MYO16: variants seen among roughly 807,000 people sequenced by gnomAD.
MYO16 encodes unconventional myosin-XVI.
Under a neutral mutation model 205.3 loss-of-function variants are expected in MYO16, and 94 were observed. The observed-to-expected ratio is 0.46, with a 90% CI of 0.39 to 0.54. The LOEUF is 0.54. Among genes scored for constraint, MYO16 ranks in the 20% least tolerant of loss-of-function variants. The pLI, the probability that MYO16 is intolerant of heterozygous loss-of-function variation, is 0.00. For missense variants in MYO16, 2,315 were observed against 2,387.5 expected, an observed-to-expected ratio of 0.97 and a Z score of 0.63; for synonymous variants, 988 against 954.0, an observed-to-expected ratio of 1.04 and a Z score of -0.66.
intron 16 of MYO16, among the ~76,000 whole-genome samples, chr13:108,950,585 T>C (rs1883105063): frequency 6.6e-6 from 1 of 152,184 alleles, no homozygotes; most frequent in South Asian, 2.1e-4. Context: ...GCCCCCTGCA[T>C]TGCTGGTGGG....
At chr13:109,042,245 G>A (rs1249801657) in intron 23 of MYO16, among the ~76,000 whole-genome samples, 3 of 152,172 alleles carry the variant, frequency 2.0e-5, no homozygotes, top group Admixed American at 6.5e-5. Context: ...ATTTGGAATC[G>A]AGTAGTATTT....
chr13:108,938,248 G>A (rs533774349), intron 16 of MYO16, among the ~76,000 whole-genome samples: 16 of 152,246 alleles, frequency 1.1e-4, no homozygotes, highest in African/African-American at 3.9e-4. Flanking sequence ...CTATAAGCCT[G>A]TAGCTGGTGC....
chr13:109,166,769 C>T (rs1375418516), intron 33 of MYO16: 1 of 152,190 alleles, frequency 6.6e-6, no homozygotes, highest in Non-Finnish European at 1.5e-5. Context: ...GAAATAAATT[C>T]AGTGTCTTTC....
At chr13:109,118,950 G>C (rs1875854077) in intron 28 of MYO16, among the ~76,000 whole-genome samples, 1 of 152,132 alleles carries the variant, frequency 6.6e-6, no homozygotes, top group Non-Finnish European at 1.5e-5. Flanking sequence ...TCAACCAGAA[G>C]GCTTTGAAGT....
intron 12 of MYO16, among the ~76,000 whole-genome samples, chr13:108,877,158 A>G (rs568254717): frequency 1.3e-5 from 2 of 152,348 alleles, no homozygotes; most frequent in Non-Finnish European, 2.9e-5. Context: ...TTCTGCTCTT[A>G]CAAAGAGTCC....
Position 108,666,079 on chromosome 13 carries a change from G to T in MYO16, c.222G>T (p.Lys74Asn). Residue 74 changes from lysine (K) to asparagine (N), a missense_variant, in exon 2 of 35, where the codon AAG (lysine) becomes AAT (asparagine). Physicochemically the swap from Lys to Asn is moderately conservative, Grantham distance 94. Transcript: ENST00000457511. ...EGFLKRLKHA[K>N]NPKVHFNLTD... is the part of the protein sequence containing the mutation. Reference sequence around the variant, plus strand: ...TCCTGAAAAGGCTGAAGCATGCGAAGAATCCGAAAGTTCACTTCAACCTCA... The same window carrying T: ...TCCTGAAAAGGCTGAAGCATGCGAATAATCCGAAAGTTCACTTCAACCTCA... 1 of 1,614,052 alleles carries T rather than the reference G, an allele frequency of 6.2e-7. No individual in the cohort carries two copies. The highest frequency in any genetic ancestry group is 8.5e-7 in the Non-Finnish European group (1 of 1,179,966).
At chr13:108,582,072 C>T in the MYO16 span, among the ~76,000 whole-genome samples, 4 of 151,966 alleles carry the variant, frequency 2.6e-5, no homozygotes, top group Admixed American at 6.6e-5. Context: ...TTCTATGTAT[C>T]ATGAAAGCCA....
At chr13:108,577,105 C>T in the MYO16 span, among the ~76,000 whole-genome samples, 2 of 152,192 alleles carry the variant, frequency 1.3e-5, no homozygotes, top group African/African-American at 4.8e-5. Flanking sequence ...AATTCCCCAC[C>T]ATACAGTTTT....
intron 20 of MYO16, among the ~76,000 whole-genome samples, chr13:108,970,652 A>G (rs1330210520): frequency 2.0e-5 from 3 of 152,230 alleles, no homozygotes; most frequent in Non-Finnish European, 4.4e-5. Context: ...TTTCCTGGCC[A>G]CGAACATGGC....
chr13:109,194,654 G>C (rs938976586), intron 34 of MYO16, among the ~76,000 whole-genome samples: 11 of 152,086 alleles, frequency 7.2e-5, no homozygotes, highest in Admixed American at 2.6e-4. Flanking sequence ...ATATCTGGTT[G>C]GGTTGAAATA....
intron 2 of MYO16, among the ~76,000 whole-genome samples, chr13:108,711,449 G>T (rs565312363): frequency 3.9e-5 from 6 of 152,164 alleles, no homozygotes; most frequent in Non-Finnish European, 8.8e-5. Flanking sequence ...GTGCTCCAAG[G>T]GTGCGCTGAT....
chr13:109,042,206 C>G (rs1298186811), intron 23 of MYO16, among the ~76,000 whole-genome samples: 1 of 152,116 alleles, frequency 6.6e-6, no homozygotes, highest in Non-Finnish European at 1.5e-5. Flanking sequence ...CTTCACTGAT[C>G]AAGGAAAGTA....
chr13:109,032,752 C>A (rs1886583806), intron 23 of MYO16, among the ~76,000 whole-genome samples: 1 of 152,148 alleles, frequency 6.6e-6, no homozygotes, highest in African/African-American at 2.4e-5. Flanking sequence ...CTTGGATATT[C>A]CTACATGTCT....
chr13:109,102,487 T>TCCTC, intron 28 of MYO16, among the ~76,000 whole-genome samples: 1 of 75,766 alleles, frequency 1.3e-5, no homozygotes, highest in African/African-American at 5.2e-5. Flanking sequence ...TATGTGTATA[T>TCCTC]ATGTATATGT....
intron 16 of MYO16, among the ~76,000 whole-genome samples, chr13:108,913,031 T>C (rs559273686): frequency 1.3e-5 from 2 of 152,318 alleles, no homozygotes; most frequent in Non-Finnish European, 2.9e-5. Flanking sequence ...CTGACATTCA[T>C]TTCTCTTTGC....
At chr13:109,044,843 C>G (rs993349173) in intron 23 of MYO16, among the ~76,000 whole-genome samples, 2 of 152,154 alleles carry the variant, frequency 1.3e-5, no homozygotes, top group African/African-American at 4.8e-5. Context: ...GCGTCTGTCA[C>G]CACACCCAGC....
the MYO16 span, among the ~76,000 whole-genome samples, chr13:108,496,876 A>G: frequency 6.7e-6 from 1 of 149,914 alleles, no homozygotes; most frequent in Non-Finnish European, 1.5e-5. Context: ...TGAATTGGCC[A>G]GAGGAGTAAA....
intron 20 of MYO16, among the ~76,000 whole-genome samples, chr13:108,991,230 C>T (rs1016171241): frequency 2.0e-5 from 3 of 152,186 alleles, no homozygotes; most frequent in African/African-American, 7.2e-5. Context: ...CCCTCTTCAC[C>T]TGATCACCAT....
chr13:108,868,064 T>A (rs1287449702), intron 12 of MYO16, among the ~76,000 whole-genome samples: 1 of 152,032 alleles, frequency 6.6e-6, no homozygotes, highest in African/African-American at 2.4e-5. Context: ...GGCAGTTTAA[T>A]TAACTATTGA....
Sources: gnomAD v4.1 joint callset for allele counts (sites outside exome capture counted in the v4.1 genomes callset) on GRCh38, gnomAD v4.1.1 for gene constraint, MANE v1.5 for transcripts, NCBI Gene and HGNC (gene_info 2026-07-23, HGNC 2026-07-21) for gene names.